The following GRM7 variants were observed in gnomAD, a reference collection of about 807,000 sequenced individuals.
GRM7 encodes the protein metabotropic glutamate receptor 7.
Under a neutral mutation model 84.5 loss-of-function variants are expected in GRM7, and 35 were observed. The observed-to-expected ratio is 0.41, with a 90% CI of 0.32 to 0.55. GRM7 has a LOEUF of 0.55. GRM7 is among the 20% of genes least tolerant of loss of function. The probability of loss-of-function intolerance (pLI) is 0.19; values close to 1 mark genes in which losing one functional copy is unlikely to be tolerated. For missense variants in GRM7, 1,003 were observed against 1,194.6 expected, an observed-to-expected ratio of 0.84 and a Z score of 2.36; for synonymous variants, 487 against 455.1, an observed-to-expected ratio of 1.07 and a Z score of -0.89.
At chr3:7,322,492 T>G (rs1489841604) in intron 4 of GRM7, among the ~76,000 whole-genome samples, 2 of 152,012 alleles carry the variant, frequency 1.3e-5, no homozygotes, top group African/African-American at 2.4e-5. Flanking sequence ...GAGATTCTGG[T>G]GTACCTGTCA....
At chr3:7,224,228 G>A (rs747751307) in intron 2 of GRM7, among the ~76,000 whole-genome samples, 27 of 152,168 alleles carry the variant, frequency 1.8e-4, no homozygotes, top group South Asian at 4.1e-4. Flanking sequence ...CAATCATGGC[G>A]GAAGGGAAGG....
intron 8 of GRM7, among the ~76,000 whole-genome samples, chr3:7,600,703 G>T (rs371772424): frequency 6.6e-6 from 1 of 152,044 alleles, no homozygotes; most frequent in African/African-American, 2.4e-5. Flanking sequence ...CTTATAGTTT[G>T]CCCATATCAT....
intron 4 of GRM7, among the ~76,000 whole-genome samples, chr3:7,383,802 A>G (rs1694682566): frequency 6.6e-6 from 1 of 152,210 alleles, no homozygotes. Context: ...ACCCTGGGGT[A>G]TATGAAATCT....
At chr3:7,086,912 T>C (rs1698477324) in intron 1 of GRM7, among the ~76,000 whole-genome samples, 1 of 152,204 alleles carries the variant, frequency 6.6e-6, no homozygotes, top group African/African-American at 2.4e-5. Flanking sequence ...CCAATGCTGT[T>C]GTTTCTGTGT....
chr3:7,478,960 A>C (rs2124933782), intron 7 of GRM7, among the ~76,000 whole-genome samples: 1 of 152,278 alleles, frequency 6.6e-6, no homozygotes, highest in East Asian at 1.9e-4. Flanking sequence ...CAAGAGTATA[A>C]GCTGAGAACC....
intron 4 of GRM7, among the ~76,000 whole-genome samples, chr3:7,414,098 TA>T (rs1696058543): frequency 6.6e-6 from 1 of 152,232 alleles, no homozygotes; most frequent in Admixed American, 6.5e-5. Flanking sequence ...AAAATGTACA[TA>T]AAATACTTCT....
intron 4 of GRM7, among the ~76,000 whole-genome samples, chr3:7,358,677 C>T (rs1315083769): frequency 6.7e-6 from 1 of 149,536 alleles, no homozygotes; most frequent in Non-Finnish European, 1.5e-5. Context: ...TGTTTAACTT[C>T]CTGTGGAATT....
At chr3:7,311,686 C>T (rs1476292668) in intron 4 of GRM7, among the ~76,000 whole-genome samples, 3 of 151,964 alleles carry the variant, frequency 2.0e-5, no homozygotes, top group South Asian at 2.1e-4. Context: ...CTCTGCCTCC[C>T]GGGTTTAAGT....
intron 1 of GRM7, among the ~76,000 whole-genome samples, chr3:7,102,458 C>T (rs956028557): frequency 6.6e-6 from 1 of 151,614 alleles, no homozygotes; most frequent in Non-Finnish European, 1.5e-5. Context: ...AAGGTTTTCT[C>T]TTTGTCTTTG....
At position 6,861,994 on chromosome 3, in the gene GRM7, G is replaced by A. The variant is rs528282641; in HGVS notation, c.519+87G>A. 1.7e-5 allele frequency: 19 copies of A among 1,135,216 alleles called. No homozygotes were observed. The African/African-American group carries it at 2.3e-4, about 14-fold the overall frequency. 70.3% of individuals were successfully genotyped at this position (1,135,216 alleles called of 1,614,324 possible). On this transcript the variant is annotated intron_variant, in intron 1 of 9. Transcript: ENST00000357716. The surrounding 1 kb of genome is among the most constrained non-coding windows in gnomAD (Gnocchi z 6.4). Reference sequence around the variant, plus strand: ...AGCTGGCTTGGACTCCGGTGGTGCGGGTCAGGTCAGCCTTCGCTCATTTCC... The same window carrying A: ...AGCTGGCTTGGACTCCGGTGGTGCGAGTCAGGTCAGCCTTCGCTCATTTCC...
intron 1 of GRM7, among the ~76,000 whole-genome samples, chr3:7,057,079 G>A (rs986200364): frequency 2.0e-5 from 3 of 151,868 alleles, no homozygotes; most frequent in Admixed American, 6.6e-5. Flanking sequence ...ATTAAATTAG[G>A]TTCATTTCAA....
chr3:7,590,654 C>A (rs1287707295), intron 8 of GRM7, among the ~76,000 whole-genome samples: 1 of 152,118 alleles, frequency 6.6e-6, no homozygotes, highest in Non-Finnish European at 1.5e-5. Flanking sequence ...GGGCCATTTC[C>A]TTCCCAGGAC....
intron 1 of GRM7, among the ~76,000 whole-genome samples, chr3:7,067,736 T>C (rs999927925): frequency 1.3e-5 from 2 of 151,822 alleles, no homozygotes; most frequent in Admixed American, 1.3e-4. Context: ...GTCGTAAGGG[T>C]CATCCTGACT....
intron 1 of GRM7, among the ~76,000 whole-genome samples, chr3:6,950,189 A>G (rs557216456): frequency 1.2e-3 from 190 of 152,104 alleles, no homozygotes; most frequent in Admixed American, 2.2e-3. Flanking sequence ...TGTGGTTTTT[A>G]TCTACCTTTG....
intron 1 of GRM7, among the ~76,000 whole-genome samples, chr3:7,029,217 T>A (rs1305374888): frequency 1.3e-5 from 2 of 149,316 alleles, no homozygotes; most frequent in African/African-American, 2.5e-5. Context: ...GGCAGGAGAA[T>A]CACTTGAACC....
At chr3:7,298,110 G>A (rs963993918) in intron 2 of GRM7, among the ~76,000 whole-genome samples, 1 of 152,078 alleles carries the variant, frequency 6.6e-6, no homozygotes, top group African/African-American at 2.4e-5. Context: ...ACTTAATGAT[G>A]GCTTAGGCAC....
intron 8 of GRM7, among the ~76,000 whole-genome samples, chr3:7,634,562 G>C (rs575880519): frequency 2.9e-4 from 44 of 150,888 alleles, no homozygotes; most frequent in Admixed American, 2.8e-3. Flanking sequence ...GAGGCGGGTG[G>C]ATCACAAGAT....
Position 7,740,556 on chromosome 3 carries a change from A to G in GRM7, c.*150A>G, listed in dbSNP as rs913050170. The G allele has an allele frequency of 2.0e-6, 1 of 493,816 alleles. No homozygotes were observed. The highest frequency in any genetic ancestry group is 2.0e-5 in the African/African-American group (1 of 49,300). 30.6% of individuals were successfully genotyped at this position (493,816 alleles called of 1,614,324 possible). A position where few individuals can be genotyped will look rare whatever the true frequency, so the allele number is the denominator to read the frequency against. On this transcript the variant is annotated 3_prime_UTR_variant, in exon 10 of 10. Transcript: ENST00000357716. ...CAGTGTTAGAGGATCCAAGCGACCT[A>G]AACAGCTGCTTTATGAAATATCCTT...
intron 4 of GRM7, among the ~76,000 whole-genome samples, chr3:7,334,453 C>G (rs1229638434): frequency 6.7e-6 from 1 of 149,404 alleles, no homozygotes; most frequent in African/African-American, 2.5e-5. Flanking sequence ...AGAATCCGCC[C>G]AAAGCATAAA....
Sources: gnomAD v4.1 joint callset for allele counts (sites outside exome capture counted in the v4.1 genomes callset) on GRCh38, gnomAD v4.1.1 for gene constraint, Gnocchi (gnomAD v3.1) non-coding constraint, MANE v1.5 for transcripts, NCBI Gene and HGNC (gene_info 2026-07-23, HGNC 2026-07-21) for gene names.